Variants in KCNMB3 observed in about 807,000 individuals in gnomAD.
The protein encoded by KCNMB3 is potassium calcium-activated channel subfamily M regulatory beta subunit 3.
Under a neutral mutation model 11.9 loss-of-function variants are expected in KCNMB3, and 18 were observed. The observed-to-expected ratio is 1.51, with a 90% confidence interval of 1.04 to 2.23. The LOEUF is 2.23. KCNMB3 is among the 30% of genes most tolerant of loss of function. The pLI is 0.00. For synonymous variants in KCNMB3, 78 were observed against 119.2 expected (o/e 0.65, Z 2.25); for missense variants, 247 against 329.4 (o/e 0.75, Z 1.94).
Position 179,243,009 on chromosome 3 carries a change from G to C in KCNMB3, c.723C>G (p.Ser241Arg), listed in dbSNP as rs1725507451. The C allele has an allele frequency of 6.3e-7, 1 of 1,598,494 alleles. No homozygotes were observed. The highest frequency in any genetic ancestry group is 1.1e-5 in the South Asian group (1 of 87,424). Residue 241 changes from serine to arginine, a missense_variant, in exon 3 of 3, where the codon AGC becomes AGG. Transcript: ENST00000392685. ...CACCTACCTCATCTCTGACTACAGT[G>C]CTATATTTTTCACACAGTAAGGACA... ...QHLSLLCEKYSTVVRDEVGGK... is the reference protein window; with the variant it reads ...QHLSLLCEKYRTVVRDEVGGK...
At chr3:179,245,717 C>G (rs1210781464) in intron 1 of KCNMB3, among the ~76,000 whole-genome samples, 2 of 152,068 alleles carry the variant, frequency 1.3e-5, no homozygotes, top group Non-Finnish European at 2.9e-5. Context: ...GCCTGGCTGG[C>G]CTTGAACTCC....
At chr3:179,261,009 C>A in intron 1 of KCNMB3, 1 of 973,936 alleles carries the variant, frequency 1.0e-6, no homozygotes, top group Non-Finnish European at 1.7e-6. Flanking sequence ...GAGGTGTCTC[C>A]GCTGCCTCTC....
intron 1 of KCNMB3, among the ~76,000 whole-genome samples, chr3:179,247,844 G>C (rs1028562429): frequency 2.0e-5 from 3 of 152,022 alleles, no homozygotes; most frequent in African/African-American, 7.2e-5. Context: ...AACAGAAGTA[G>C]GCCACTCTCT....
intron 1 of KCNMB3, chr3:179,260,065 C>T: frequency 6.2e-7 from 1 of 1,610,104 alleles, no homozygotes; most frequent in Non-Finnish European, 8.5e-7. Flanking sequence ...TGTTGGGGGA[C>T]CTCTACCATA....
At chr3:179,261,208 C>T in intron 1 of KCNMB3, 1 of 1,364,944 alleles carries the variant, frequency 7.3e-7, no homozygotes, top group South Asian at 1.4e-5. Context: ...GGGCCTCCGC[C>T]AGCCTCTGCG....
chr3:179,267,043 C>A, upstream of KCNMB3: 1 of 573,816 alleles, frequency 1.7e-6, no homozygotes, highest in Non-Finnish European at 2.3e-6. Flanking sequence ...GCCTCGGCAG[C>A]CGGGAGCATC....
At chr3:179,240,433 T>C (rs1457361222), downstream of KCNMB3, 2 of 158,268 alleles carry the variant, frequency 1.3e-5, no homozygotes, top group African/African-American at 4.8e-5. Flanking sequence ...AATAGGTAAG[T>C]AGACTTTTTT....
downstream of KCNMB3, chr3:179,240,906 G>T (rs114519563): frequency 6.6e-6 from 1 of 152,128 alleles, no homozygotes; most frequent in Admixed American, 6.6e-5. Context: ...TAAAATGTGC[G>T]TGCACATCAA....
intron 1 of KCNMB3, among the ~76,000 whole-genome samples, chr3:179,258,785 C>G (rs1369118220): frequency 6.6e-6 from 1 of 152,162 alleles, no homozygotes; most frequent in Non-Finnish European, 1.5e-5. Flanking sequence ...GATATATGCT[C>G]TCAATTAGAA....
chr3:179,263,579 C>T (rs1354094135), intron 1 of KCNMB3, among the ~76,000 whole-genome samples: 2 of 152,096 alleles, frequency 1.3e-5, no homozygotes, highest in African/African-American at 2.4e-5. Context: ...AAGAATTCCT[C>T]AACAAATGTC....
At position 179,260,843 on chromosome 3, in the gene KCNMB3, A is replaced by G. The variant is rs773090697; in HGVS notation, c.62+5806T>C. 124 of 1,248,856 alleles carry G rather than the reference A, an allele frequency of 9.9e-5. No individual in the cohort carries two copies. The Middle Eastern group carries it at 1.1e-3, about 11-fold the overall frequency. 77.4% of individuals were successfully genotyped at this position (1,248,856 alleles called of 1,614,324 possible). A position where few individuals can be genotyped will look rare whatever the true frequency, so the allele number is the denominator to read the frequency against. On this transcript the variant is annotated intron_variant, in intron 1 of 3. Transcript: ENST00000349697. ...TTCAGCCAGCTGTTCTTCAATCTCCAGCAACATATCTTTCAGGGTGTCAAC... is the reference window on the plus strand; with the variant it reads ...TTCAGCCAGCTGTTCTTCAATCTCCGGCAACATATCTTTCAGGGTGTCAAC...
At chr3:179,251,406 G>A, upstream of KCNMB3, 1 of 1,426,046 alleles carries the variant, frequency 7.0e-7, no homozygotes, top group Non-Finnish European at 9.1e-7. Flanking sequence ...CTGTTGGAAA[G>A]GCAGCATATC....
chr3:179,253,432 C>T (rs1190004532), upstream of KCNMB3, among the ~76,000 whole-genome samples: 1 of 152,158 alleles, frequency 6.6e-6, no homozygotes, highest in African/African-American at 2.4e-5. Flanking sequence ...GAAAAGTTGA[C>T]AACTTCATAA....
intron 1 of KCNMB3, among the ~76,000 whole-genome samples, chr3:179,247,451 A>C (rs1287001276): frequency 6.6e-6 from 1 of 152,108 alleles, no homozygotes; most frequent in African/African-American, 2.4e-5. Context: ...GCTTGAGCCT[A>C]GGAGTTTGAG....
downstream of KCNMB3, chr3:179,241,758 C>G (rs926477421): frequency 6.5e-6 from 1 of 153,716 alleles, no homozygotes; most frequent in Admixed American, 6.5e-5. Context: ...CAATTGTTGA[C>G]TATCCATGTG....
At chr3:179,244,342 C>A (rs1041539921) in intron 2 of KCNMB3, among the ~76,000 whole-genome samples, 153 bp downstream of exon 2, 1 of 152,162 alleles carries the variant, frequency 6.6e-6, no homozygotes, top group Non-Finnish European at 1.5e-5. Context: ...AAGAAGAAAG[C>A]TTCATTTATC....
rs375768912 is a variant in KCNMB3 at position 179,261,969 on chromosome 3, T to C, written c.62+4680A>G. ...AATGTTAAAAATTAAAAAGCTTTAT[T>C]AGAAATTTAAAAATAAGTGTTTTAA... On this transcript the variant is annotated intron_variant, in intron 1 of 3. Coordinates refer to the KCNMB3 transcript ENST00000349697. Among the ~76,000 whole-genome samples the C allele has an allele frequency of 7.2e-5, 11 of 152,292 alleles. 2 individuals are homozygous for C. Among genetic ancestry groups the C allele is most frequent in the South Asian group, 2.1e-4 (1 of 4,832 alleles).
At chr3:179,248,478 A>G (rs1725719255) in intron 1 of KCNMB3, among the ~76,000 whole-genome samples, 1 of 152,146 alleles carries the variant, frequency 6.6e-6, no homozygotes, top group Non-Finnish European at 1.5e-5. Flanking sequence ...CTGTAATCCC[A>G]GCACTTTGGG....
rs767950707 is a variant in KCNMB3, at chr3:179,251,055, T to A, written c.-65A>T. 1.1e-5 allele frequency: 17 copies of A among 1,614,172 alleles called. No individual in the cohort carries two copies. The highest frequency in any genetic ancestry group is 1.4e-5 in the Non-Finnish European group (17 of 1,180,028). ...GCCTACCTGTGTCTCGTGAGCAGGA[T>A]GAATGCAACAAAATGAAATCCCAGT... is the stretch of plus-strand genomic sequence containing the variant. On this transcript the variant is annotated 5_prime_UTR_variant, in exon 1 of 3. Coordinates refer to ENST00000392685, the MANE Select transcript of KCNMB3 (RefSeq NM_171830.2).
Sources: allele counts gnomAD v4.1 joint callset (sites outside exome capture counted in the v4.1 genomes callset), GRCh38; gene constraint gnomAD v4.1.1; transcripts MANE v1.5; gene names NCBI Gene and HGNC (gene_info 2026-07-23, HGNC 2026-07-21).